The following ARL10 variants were observed in gnomAD, a reference collection of about 807,000 sequenced individuals.
ARL10 encodes ARF like GTPase 10.
Under a neutral mutation model 26.1 loss-of-function variants are expected in ARL10, and 23 were observed. The observed-to-expected ratio is 0.88, with a 90% CI of 0.63 to 1.25. The LOEUF (loss-of-function observed/expected upper bound fraction) is 1.25, where lower values mean the gene tolerates loss of function less well. ARL10 is among the 50% of genes most tolerant of loss of function. The pLI is 0.00. For missense variants in ARL10, 300 were observed against 323.6 expected (o/e 0.93, Z 0.56); for synonymous variants, 138 against 149.1 (o/e 0.93, Z 0.54).
Position 176,371,125 on chromosome 5 carries a change from A to G in ARL10, c.562-597A>G, listed in dbSNP as rs369179372. Among the ~76,000 whole-genome samples the G allele has an allele frequency of 5.3e-5, 8 of 152,342 alleles. No individual in the cohort carries two copies. In the East Asian group the frequency reaches 9.6e-4, roughly 18 times the overall value. ...CGTGGTGGCTCATGCCTGTAATCCC[A>G]GCACTTTGGGAGGCTGAGGCAGGTG... On this transcript the variant is annotated intron_variant, in intron 3 of 3. Coordinates refer to ENST00000310389, the MANE Select transcript of ARL10 (RefSeq NM_173664.6).
chr5:176,396,735 CCTT>C (rs944063447), intron 1 of ARL10, among the ~76,000 whole-genome samples: 4 of 152,174 alleles, frequency 2.6e-5, no homozygotes, highest in African/African-American at 9.6e-5. Context: ...GGCCCCAGCA[CCTT>C]CTCTAAAATT....
chr5:176,369,166 A>G (rs1166081153), intron 3 of ARL10, 184 bp downstream of exon 3: 39 of 1,533,042 alleles, frequency 2.5e-5, no homozygotes, highest in Non-Finnish European at 3.2e-5. Context: ...CCTCCCTATC[A>G]TCTCGTACTC....
At chr5:176,410,283 TCCCCATGTC>T in the ARL10 span, 19 of 1,613,788 alleles carry the variant, frequency 1.2e-5, no homozygotes, top group Non-Finnish European at 1.5e-5. Context: ...TTGACTGTGG[TCCCCATGTC>T]CTCAGAACCA....
chr5:176,404,406 T>C (rs1364000319), downstream of ARL10, among the ~76,000 whole-genome samples: 1 of 152,226 alleles, frequency 6.6e-6, no homozygotes, highest in East Asian at 1.9e-4. Context: ...CCACAGCCCT[T>C]TGGGGCAGCG....
chr5:176,395,366 G>A (rs1756469179), intron 1 of ARL10, among the ~76,000 whole-genome samples: 1 of 152,186 alleles, frequency 6.6e-6, no homozygotes, highest in South Asian at 2.1e-4. Context: ...CCATGAGCAC[G>A]GTGAGGGGGG....
chr5:176,412,445 C>T, the ARL10 span, among the ~76,000 whole-genome samples: 1 of 152,168 alleles, frequency 6.6e-6, no homozygotes, highest in African/African-American at 2.4e-5. Context: ...AATGGGTGAG[C>T]AGTAACTATT....
Position 176,388,554 on chromosome 5 carries a change from C to G in ARL10, c.*56C>G, listed in dbSNP as rs774094666. On this transcript the variant is annotated 3_prime_UTR_variant, in exon 2 of 2. Transcript: ENST00000503175. ...GCCTTGGGCATCGCGCTGACCACCG[C>G]ACCAGCAGCTCAAACACGCTGCCTC... The G allele has an allele frequency of 5.0e-6, 8 of 1,601,004 alleles. 1 individual carries two copies. The South Asian group carries it at 8.8e-5, about 18-fold the overall frequency.
chr5:176,406,486 T>C, downstream of ARL10: 1 of 1,201,170 alleles, frequency 8.3e-7, no homozygotes. Context: ...AAATCTAAGC[T>C]AAGCTGAGCT....
chr5:176,389,396 C>T (rs1038389937), downstream of ARL10: 2 of 1,614,040 alleles, frequency 1.2e-6, no homozygotes, highest in African/African-American at 2.7e-5. Flanking sequence ...CAACAGCCAG[C>T]GCTCTCAGCT....
At chr5:176,400,119 G>C (rs1271671900) in intron 1 of ARL10, among the ~76,000 whole-genome samples, 1 of 150,234 alleles carries the variant, frequency 6.7e-6, no homozygotes, top group Non-Finnish European at 1.5e-5. Flanking sequence ...TGAATCCGGG[G>C]CGGGGCAGGG....
At chr5:176,405,770 C>T (rs917952134), downstream of ARL10, 3 of 152,138 alleles carry the variant, frequency 2.0e-5, no homozygotes, top group African/African-American at 7.2e-5. Context: ...CTGCCACTCA[C>T]TGGACTCGCG....
chr5:176,371,153 T>C (rs1464555810), intron 3 of ARL10, among the ~76,000 whole-genome samples: 1 of 152,174 alleles, frequency 6.6e-6, no homozygotes, highest in Non-Finnish European at 1.5e-5. Flanking sequence ...GGCAGGTGGA[T>C]CACCTGAGGT....
rs1000330484 is a variant in ARL10 at position 176,371,578 on chromosome 5, G to T, written c.562-144G>T. On this transcript the variant is annotated intron_variant, in intron 3 of 3. Transcript: ENST00000310389. ...ATAGCCTAAGAACAGTGTGTTTCCT[G>T]ATATTCCCGGGGATAGCCTAAGAAC... 4 of 591,790 alleles carry T rather than the reference G, an allele frequency of 6.8e-6. No homozygotes were observed. The Admixed American group carries it at 1.2e-4, about 18-fold the overall frequency. The allele number at this position is 591,790 out of a possible 1,614,324, so 36.7% of individuals were successfully genotyped here.
chr5:176,406,517 A>G, downstream of ARL10: 2 of 1,248,292 alleles, frequency 1.6e-6, no homozygotes, highest in Middle Eastern at 2.2e-4. Flanking sequence ...CTAAGAAGCT[A>G]AAAGGAGGAT....
chr5:176,401,772 T>G, exon 2 of ARL10: 1 of 456,234 alleles, frequency 2.2e-6, no homozygotes, highest in South Asian at 1.5e-5. Flanking sequence ...CACTGAACAA[T>G]TTCCCGAGGG....
At chr5:176,404,931 C>T (rs1196432798), downstream of ARL10, among the ~76,000 whole-genome samples, 1 of 152,180 alleles carries the variant, frequency 6.6e-6, no homozygotes, top group East Asian at 1.9e-4. Context: ...CAGGCTCTGG[C>T]GCCTGATCCT....
downstream of ARL10, chr5:176,405,752 T>TC (rs548817292): frequency 6.6e-6 from 1 of 152,008 alleles, no homozygotes; most frequent in Admixed American, 6.6e-5. Flanking sequence ...GGGCTTTACA[T>TC]CCCCCTTCTG....
chr5:176,392,036 G>A (rs1756275672), downstream of ARL10, among the ~76,000 whole-genome samples: 3 of 152,228 alleles, frequency 2.0e-5, no homozygotes, highest in Admixed American at 1.3e-4. This position sits in a 1 kb window ranked among gnomAD's most constrained non-coding sequence, Gnocchi z 5.2. Flanking sequence ...GATGAGCCCA[G>A]TTGAAGGAGG....
downstream of ARL10, chr5:176,392,762 C>A: frequency 6.2e-7 from 1 of 1,613,422 alleles, no homozygotes; most frequent in Non-Finnish European, 8.5e-7. This position sits in a 1 kb window ranked among gnomAD's most constrained non-coding sequence, Gnocchi z 5.2. Context: ...TGGCCATGCA[C>A]CTAGCAGGCA....
Sources: allele counts gnomAD v4.1 joint callset (sites outside exome capture counted in the v4.1 genomes callset), GRCh38; gene constraint gnomAD v4.1.1; non-coding constraint Gnocchi (gnomAD v3.1); transcripts MANE v1.5; gene names NCBI Gene and HGNC (gene_info 2026-07-23, HGNC 2026-07-21).